Variants in SLC2A9 observed in about 807,000 individuals in gnomAD.
SLC2A9 encodes the protein solute carrier family 2 member 9.
In SLC2A9, 39 loss-of-function variants were observed where a neutral mutation model predicts 50.6. The ratio of observed to expected loss-of-function variants is 0.77; its 90% CI spans 0.60 to 1.01. The LOEUF (loss-of-function observed/expected upper bound fraction) is 1.01, where lower values mean the gene tolerates loss of function less well. Among genes scored for constraint, SLC2A9 ranks in the 50% least tolerant of loss-of-function variants. The pLI, the probability that SLC2A9 is intolerant of heterozygous loss-of-function variation, is 0.00. For synonymous variants in SLC2A9, 324 were observed against 276.9 expected, an observed-to-expected ratio of 1.17 and a Z score of -1.69; for missense variants, 686 against 677.6, an observed-to-expected ratio of 1.01 and a Z score of -0.14.
intron 1 of SLC2A9, among the ~76,000 whole-genome samples, chr4:10,027,081 C>T (rs529519070): frequency 3.3e-5 from 5 of 152,118 alleles, no homozygotes; most frequent in Admixed American, 2.6e-4. Context: ...ACACAAAAAG[C>T]GACATCTTTT....
chr4:9,890,940 C>G (rs549480343), intron 8 of SLC2A9, among the ~76,000 whole-genome samples: 3 of 152,214 alleles, frequency 2.0e-5, no homozygotes, highest in Non-Finnish European at 4.4e-5. Context: ...GCATTAATAA[C>G]GAGCACTCTC....
rs148352315 is a variant in SLC2A9, at chr4:9,830,765, G to A, written c.1419+4116C>T. 2.2e-4 allele frequency among the ~76,000 whole-genome samples: 33 copies of A among 152,222 alleles called. No individual in the cohort carries two copies. The East Asian group carries it at 6.0e-3, about 28-fold the overall frequency. On this transcript the variant is annotated intron_variant, in intron 11 of 11. Coordinates refer to ENST00000264784, the MANE Select transcript of SLC2A9 (RefSeq NM_020041.3). ...CACTCCACACTGGAGAGTGTTTTTC[G>A]CAGGCTTTATAACAAATGGCCCAAG...
chr4:10,014,086 A>G (rs1220909404), intron 2 of SLC2A9, among the ~76,000 whole-genome samples: 1 of 152,104 alleles, frequency 6.6e-6, no homozygotes, highest in Non-Finnish European at 1.5e-5. Flanking sequence ...CTCACACCCT[A>G]AACCCCTGCC....
chr4:9,810,418 C>T (rs988108375), intron 3 of SLC2A9, among the ~76,000 whole-genome samples: 3 of 152,314 alleles, frequency 2.0e-5, no homozygotes, highest in East Asian at 3.9e-4. Context: ...TCCAGCCAGG[C>T]CTCAGGGAGA....
chr4:9,914,918 G>C (rs1742570164), intron 7 of SLC2A9, among the ~76,000 whole-genome samples: 1 of 152,208 alleles, frequency 6.6e-6, no homozygotes, highest in Non-Finnish European at 1.5e-5. Context: ...AGAGTGGCCA[G>C]AAAATGCTTG....
chr4:9,822,828 T>C (rs568077162), downstream of SLC2A9, among the ~76,000 whole-genome samples: 380 of 152,242 alleles, frequency 2.5e-3, 2 homozygotes, highest in African/African-American at 8.1e-3. Flanking sequence ...CACATTTTTT[T>C]CCCCCAAGGG....
chr4:9,974,433 T>C (rs1009340922), intron 5 of SLC2A9, among the ~76,000 whole-genome samples: 1 of 151,894 alleles, frequency 6.6e-6, no homozygotes, highest in African/African-American at 2.4e-5. Context: ...ACAAAATCAG[T>C]GTACAAAAAT....
At chr4:9,824,337 T>C (rs1270149701), downstream of SLC2A9, among the ~76,000 whole-genome samples, 1 of 151,890 alleles carries the variant, frequency 6.6e-6, no homozygotes, top group Admixed American at 6.6e-5. Flanking sequence ...TGTTTGTCTA[T>C]AAATTACCCA....
At chr4:9,945,356 G>T (rs145107539) in intron 5 of SLC2A9, among the ~76,000 whole-genome samples, 4 of 152,212 alleles carry the variant, frequency 2.6e-5, no homozygotes, top group African/African-American at 9.7e-5. Context: ...AATGGATGTC[G>T]GGAGTGCTGA....
chr4:9,986,039 T>C (rs1257920474), intron 3 of SLC2A9, among the ~76,000 whole-genome samples: 4 of 152,244 alleles, frequency 2.6e-5, no homozygotes, highest in African/African-American at 4.8e-5. Flanking sequence ...AGTATTTTAT[T>C]GCTTTAATTC....
chr4:10,008,900 G>T lies in SLC2A9; in HGVS notation c.249+10075C>A, dbSNP rs1049415236. Among the ~76,000 whole-genome samples the T allele has an allele frequency of 3.0e-3, 402 of 134,858 alleles. 2 individuals carry two copies. Among genetic ancestry groups the T allele is most frequent in the Admixed American group, 4.7e-3 (64 of 13,538 alleles). The allele number at this position is 134,858 out of a possible 152,430, so 88.5% of individuals were successfully genotyped here. ...TTCATTATCAAATTTCTGTGCGGTG[G>T]TTTTTTTTTTTTTTTTTCCTAATGG... On this transcript the variant is annotated intron_variant, in intron 2 of 11. Transcript: ENST00000264784.
chr4:9,986,738 G>A (rs1756791370), intron 3 of SLC2A9, among the ~76,000 whole-genome samples: 1 of 152,118 alleles, frequency 6.6e-6, no homozygotes, highest in African/African-American at 2.4e-5. Context: ...ACAAGATTAG[G>A]GAAATTTCCA....
intron 5 of SLC2A9, among the ~76,000 whole-genome samples, chr4:9,963,632 C>A (rs1456699400): frequency 6.6e-6 from 1 of 152,120 alleles, no homozygotes; most frequent in Non-Finnish European, 1.5e-5. Flanking sequence ...GGAGAGAGGG[C>A]CTCTCAAGAG....
chr4:10,007,154 G>A (rs1285626706), intron 2 of SLC2A9, among the ~76,000 whole-genome samples: 1 of 152,194 alleles, frequency 6.6e-6, no homozygotes, highest in Non-Finnish European at 1.5e-5. Flanking sequence ...TGTGACTCAT[G>A]CCAGTGAATT....
At chr4:9,798,047 G>A (rs946599642), downstream of SLC2A9, among the ~76,000 whole-genome samples, 10 of 152,210 alleles carry the variant, frequency 6.6e-5, no homozygotes, top group African/African-American at 2.4e-4. Flanking sequence ...TTAGGAAAGA[G>A]AGCAGATGAG....
chr4:9,878,480 G>A (rs925405009), intron 10 of SLC2A9, among the ~76,000 whole-genome samples: 1 of 152,068 alleles, frequency 6.6e-6, no homozygotes, highest in Non-Finnish European at 1.5e-5. Flanking sequence ...TGGGGTTGAG[G>A]TGTTTCCCAG....
intron 6 of SLC2A9, among the ~76,000 whole-genome samples, chr4:9,938,472 C>T (rs1325628075): frequency 5.9e-5 from 9 of 151,906 alleles, no homozygotes; most frequent in South Asian, 2.1e-4. Context: ...AGGGTTTCAC[C>T]GTGTTAGCCA....
At chr4:9,820,324 A>G (rs1204365553) in intron 3 of SLC2A9, among the ~76,000 whole-genome samples, 1 of 152,184 alleles carries the variant, frequency 6.6e-6, no homozygotes. Context: ...CTTTGTGTCT[A>G]TACTTTCACC....
downstream of SLC2A9, among the ~76,000 whole-genome samples, chr4:9,776,677 G>T (rs2030287): frequency 0.12 from 17,904 of 152,070 alleles, 1,092 homozygotes; most frequent in East Asian, 0.15. Flanking sequence ...TTGGGAGAAG[G>T]CACCTAGATA....
Sources: allele counts gnomAD v4.1 joint callset (sites outside exome capture counted in the v4.1 genomes callset), GRCh38; gene constraint gnomAD v4.1.1; transcripts MANE v1.5; gene names NCBI Gene and HGNC (gene_info 2026-07-23, HGNC 2026-07-21).